RNF157: variants seen among roughly 807,000 people sequenced by gnomAD.
RNF157 encodes the protein E3 ubiquitin ligase RNF157.
In RNF157, 55 loss-of-function variants were observed where a neutral mutation model predicts 88.3. The ratio of observed to expected loss-of-function variants is 0.62; its 90% CI spans 0.50 to 0.78. RNF157 has a LOEUF of 0.78. Among genes scored for constraint, RNF157 ranks in the 30% least tolerant of loss-of-function variants. The pLI is 0.00. For synonymous variants in RNF157, 334 were observed against 341.2 expected, an observed-to-expected ratio of 0.98 and a Z score of 0.23; for missense variants, 788 against 860.8, an observed-to-expected ratio of 0.92 and a Z score of 1.06.
chr17:76,155,371 A>T, intron 15 of RNF157, 54 bp from the exon 16 acceptor site: 1 of 1,575,930 alleles, frequency 6.3e-7, no homozygotes, highest in African/African-American at 1.3e-5. Context: ...CGTGACAGCA[A>T]ACCCAAACCT....
At chr17:76,148,646 C>T (rs868629924) in intron 18 of RNF157, among the ~76,000 whole-genome samples, 49 of 150,708 alleles carry the variant, frequency 3.3e-4, no homozygotes, top group South Asian at 6.3e-4. Flanking sequence ...TCTTGACTCC[C>T]TGCAACCTCC....
At chr17:76,205,038 C>T (rs770370170) in intron 2 of RNF157, among the ~76,000 whole-genome samples, 1 of 152,058 alleles carries the variant, frequency 6.6e-6, no homozygotes, top group Non-Finnish European at 1.5e-5. Context: ...CCACCTGCCT[C>T]GGTGTCCCAA....
At chr17:76,167,557 C>A in intron 4 of RNF157, 94 bp downstream of exon 4, 1 of 1,556,952 alleles carries the variant, frequency 6.4e-7, no homozygotes, top group South Asian at 1.2e-5. Flanking sequence ...CTCGCCTGGT[C>A]TCCTGATCTT....
rs913376862 is a variant in RNF157, at chr17:76,154,964, G to C, written c.1764+288C>G. ...TCCATGTAAATACTAGTGGAATGAA[G>C]GACAATATATTCTCAAGGCCAGGGG... On this transcript the variant is annotated intron_variant, in intron 16 of 18. Transcript: ENST00000269391. 5.9e-5 allele frequency among the ~76,000 whole-genome samples: 9 copies of C among 152,230 alleles called. No individual in the cohort carries two copies. The East Asian group carries it at 1.7e-3, about 29-fold the overall frequency.
At position 76,240,290 on chromosome 17, in the gene RNF157, C is replaced by T. The variant is rs1258550814; in HGVS notation, c.-50G>A. 1 of 915,330 alleles carries T rather than the reference C, an allele frequency of 1.1e-6. No individual in the cohort carries two copies. Among genetic ancestry groups the T allele is most frequent in the Non-Finnish European group, 1.3e-6 (1 of 762,946 alleles). 56.7% of individuals were successfully genotyped at this position (915,330 alleles called of 1,614,324 possible). A position where few individuals can be genotyped will look rare whatever the true frequency, so the allele number is the denominator to read the frequency against. ...CCGGCCCCGGTGCCCGCGCCGCCCT[C>T]CGCGCTTCACCGCGGCCGCCCGCCC... On this transcript the variant is annotated 5_prime_UTR_variant, in exon 1 of 19. Coordinates refer to ENST00000269391, the MANE Select transcript of RNF157 (RefSeq NM_052916.3). This position sits in a 1 kb window ranked among gnomAD's most constrained non-coding sequence, Gnocchi z 4.4.
chr17:76,167,409 G>C (rs2278824), intron 4 of RNF157, among the ~76,000 whole-genome samples: 18 of 152,074 alleles, frequency 1.2e-4, no homozygotes, highest in Admixed American at 4.6e-4. Flanking sequence ...CAATTTGAAG[G>C]GAAAAGGTAA....
intron 1 of RNF157, among the ~76,000 whole-genome samples, chr17:76,236,472 A>G (rs1428886262): frequency 6.6e-6 from 1 of 152,208 alleles, no homozygotes; most frequent in Non-Finnish European, 1.5e-5. Context: ...AGATGCAAAG[A>G]TCTTAGAGAA....
intron 2 of RNF157, chr17:76,175,738 T>A (rs2069092235): frequency 1.0e-6 from 1 of 984,484 alleles, no homozygotes; most frequent in African/African-American, 1.7e-5. Context: ...GCGTTATCCA[T>A]AACTCCTACC....
At chr17:76,221,441 C>T (rs954961692) in intron 1 of RNF157, among the ~76,000 whole-genome samples, 1 of 152,078 alleles carries the variant, frequency 6.6e-6, no homozygotes, top group Non-Finnish European at 1.5e-5. Flanking sequence ...AGGCAACTGG[C>T]AAAACTCAGG....
At chr17:76,235,420 G>C (rs879576774) in intron 1 of RNF157, among the ~76,000 whole-genome samples, 2 of 152,030 alleles carry the variant, frequency 1.3e-5, no homozygotes, top group Admixed American at 6.6e-5. Context: ...GGATGGTCTT[G>C]ATCTCCTGAC....
intron 2 of RNF157, among the ~76,000 whole-genome samples, chr17:76,196,933 G>A (rs922728967): frequency 5.9e-5 from 9 of 152,178 alleles, no homozygotes; most frequent in African/African-American, 1.4e-4. Context: ...GGCCAAGACC[G>A]CACTCATGTT....
At chr17:76,154,205 A>T (rs2068725983) in intron 17 of RNF157, 78 bp downstream of exon 17, 2 of 1,031,708 alleles carry the variant, frequency 1.9e-6, no homozygotes, top group Non-Finnish European at 3.1e-6. Context: ...TCATACCGGT[A>T]CCCTTTTCTT....
chr17:76,226,553 A>T (rs1022321776), intron 1 of RNF157: 6 of 1,613,492 alleles, frequency 3.7e-6, no homozygotes, highest in Non-Finnish European at 5.1e-6. Context: ...TTTCTCCAAC[A>T]TCCAATGTGT....
At chr17:76,186,167 AC>A in intron 2 of RNF157, among the ~76,000 whole-genome samples, 1 of 151,554 alleles carries the variant, frequency 6.6e-6, no homozygotes, top group East Asian at 1.9e-4. Context: ...AAGCTGAAAA[AC>A]TCCAAGCTGT....
rs772243431 is a variant in RNF157 at position 76,145,190 on chromosome 17, A to G, written c.*45T>C. On this transcript the variant is annotated 3_prime_UTR_variant, in exon 19 of 19. Transcript: ENST00000269391. ...GTAGGCAGCAGCTGAGTGAGGATGG[A>G]TGGAATGCAGGGCAGGAGGGGAGCC... The G allele has an allele frequency of 1.5e-6, 2 of 1,301,722 alleles. No individual in the cohort carries two copies. The highest frequency in any genetic ancestry group is 1.1e-6 in the Non-Finnish European group (1 of 907,394). 80.6% of individuals were successfully genotyped at this position (1,301,722 alleles called of 1,614,324 possible). A position where few individuals can be genotyped will look rare whatever the true frequency, so the allele number is the denominator to read the frequency against.
chr17:76,219,416 CAT>C (rs1293545070), intron 1 of RNF157, among the ~76,000 whole-genome samples: 2 of 151,564 alleles, frequency 1.3e-5, no homozygotes, highest in African/African-American at 4.8e-5. Flanking sequence ...ATTATGCTAC[CAT>C]GTGTGTAAGG....
chr17:76,187,997 G>A (rs912055722), intron 2 of RNF157, among the ~76,000 whole-genome samples: 4 of 152,122 alleles, frequency 2.6e-5, no homozygotes, highest in Non-Finnish European at 4.4e-5. Flanking sequence ...CACTTGTTCC[G>A]TTTTGCATTG....
chr17:76,186,991 C>T (rs1417412543), intron 2 of RNF157, among the ~76,000 whole-genome samples: 2 of 147,244 alleles, frequency 1.4e-5, no homozygotes, highest in African/African-American at 5.1e-5. Flanking sequence ...AAAATCTCAA[C>T]TCTGGTTTGA....
At chr17:76,206,785 C>G (rs2069688602) in intron 2 of RNF157, among the ~76,000 whole-genome samples, 2 of 152,044 alleles carry the variant, frequency 1.3e-5, no homozygotes, top group African/African-American at 2.4e-5. Context: ...AAAAAACAAA[C>G]AAAGAAAACA....
Sources: allele counts gnomAD v4.1 joint callset (sites outside exome capture counted in the v4.1 genomes callset), GRCh38; gene constraint gnomAD v4.1.1; non-coding constraint Gnocchi (gnomAD v3.1); transcripts MANE v1.5; gene names NCBI Gene and HGNC (gene_info 2026-07-23, HGNC 2026-07-21).